ANOS1: variants seen among roughly 807,000 people sequenced by gnomAD.
ANOS1 encodes the protein anosmin 1, also known as anosmin-1.
In ANOS1, 6 loss-of-function variants were observed where a neutral mutation model predicts 59.0. The observed-to-expected ratio is 0.10, with a 90% confidence interval of 0.06 to 0.20. The LOEUF is 0.20. ANOS1 is among the 10% of genes least tolerant of loss of function. The probability of loss-of-function intolerance (pLI) is 1.00; values close to 1 mark genes in which losing one functional copy is unlikely to be tolerated. For missense variants in ANOS1, 433 were observed against 542.3 expected, an observed-to-expected ratio of 0.80 and a Z score of 2.00; for synonymous variants, 217 against 223.4, an observed-to-expected ratio of 0.97 and a Z score of 0.25.
rs771008889 is a variant in ANOS1 at position 8,551,570 on chromosome X, C to T, written c.1354+2382G>A. The stretch of plus-strand genomic sequence containing the variant: ...AGGAGAATCGCTTGAACCCAGGATG[C>T]GGACCAGCCTGGGCAACAAGAGTGA... On this transcript the variant is annotated intron_variant, in intron 9 of 13. Coordinates refer to ENST00000262648, the MANE Select transcript of ANOS1 (RefSeq NM_000216.4). 7.4e-5 allele frequency among the ~76,000 whole-genome samples: 8 copies of T among 107,827 alleles called. No homozygotes were observed. The South Asian group carries it at 2.1e-3, about 28-fold the overall frequency. The allele number at this position is 107,827 out of a possible 115,157, so 93.6% of individuals were successfully genotyped here.
At chrX:8,605,350 T>A (rs1284035243) in intron 3 of ANOS1, among the ~76,000 whole-genome samples, 3 of 110,530 alleles carry the variant, frequency 2.7e-5, no homozygotes, top group African/African-American at 9.9e-5. Flanking sequence ...TGAAATGAGA[T>A]GAAAAGGGTT....
chrX:8,642,882 T>C (rs1353967960), intron 2 of ANOS1, among the ~76,000 whole-genome samples: 9 of 111,999 alleles, frequency 8.0e-5, no homozygotes, highest in Non-Finnish European at 1.5e-4. Flanking sequence ...ATGAGCCATA[T>C]AGCAGCAATT....
chrX:8,545,630 A>G (rs1929761782), intron 9 of ANOS1, among the ~76,000 whole-genome samples: 1 of 112,117 alleles, frequency 8.9e-6, no homozygotes. Context: ...ATGTGTATTA[A>G]GTAAAGAAAG....
At chrX:8,620,763 C>T (rs1931276432) in intron 3 of ANOS1, among the ~76,000 whole-genome samples, 2 of 112,008 alleles carry the variant, frequency 1.8e-5, no homozygotes, top group Non-Finnish European at 3.8e-5. Flanking sequence ...CATCAAAGCT[C>T]CTCACATTAA....
At chrX:8,619,369 G>A (rs1394426568) in intron 3 of ANOS1, among the ~76,000 whole-genome samples, 1 of 111,633 alleles carries the variant, frequency 9.0e-6, no homozygotes, top group African/African-American at 3.3e-5. Context: ...ACTTTGGGAG[G>A]CCAAGGCGGG....
At chrX:8,622,176 G>A (rs1445079488) in intron 3 of ANOS1, among the ~76,000 whole-genome samples, 4 of 111,171 alleles carry the variant, frequency 3.6e-5, no homozygotes, top group Non-Finnish European at 7.5e-5. Context: ...TCAAAATCAA[G>A]GAGTTTTAGA....
rs1929552930 is a variant in ANOS1 at position 8,534,360 on chromosome X, T to C, written c.1943A>G (p.Lys648Arg). The change falls in exon 13 of 14, where the codon AAG (lysine) becomes AGG (arginine). Residue 648 changes from lysine (K) to arginine (R), a missense_variant. Lys to Arg is a conservative substitution (Grantham distance 26). Coordinates refer to ENST00000262648, the MANE Select transcript of ANOS1 (RefSeq NM_000216.4). Reference protein sequence around the residue: ...TPGGEGPATIKTFRTPELPPS... With the variant: ...TPGGEGPATIRTFRTPELPPS... Reference sequence around the variant, plus strand: ...TGGGAGCTCCGGCGTCCGGAACGTCTTGATGGTGGCCGGCCCCTCCCCTCC... The same window carrying C: ...TGGGAGCTCCGGCGTCCGGAACGTCCTGATGGTGGCCGGCCCCTCCCCTCC... 8.3e-7 allele frequency: 1 copy of C among 1,209,669 alleles called. No homozygotes were observed. Among genetic ancestry groups the C allele is most frequent in the African/African-American group, 1.8e-5 (1 of 57,071 alleles).
intron 4 of ANOS1, among the ~76,000 whole-genome samples, chrX:8,589,106 T>C (rs1930571523): frequency 8.9e-6 from 1 of 112,794 alleles, no homozygotes. Context: ...AACTCCTATT[T>C]CATTTTGATC....
intron 8 of ANOS1, 88 bp from the exon 9 acceptor site, chrX:8,554,186 T>G: frequency 1.4e-6 from 1 of 718,201 alleles, no homozygotes. Flanking sequence ...AGCTCCATTA[T>G]GCAGCTTCCA....
intron 1 of ANOS1, among the ~76,000 whole-genome samples, chrX:8,727,061 G>A (rs1021312899): frequency 1.8e-5 from 2 of 112,421 alleles, no homozygotes; most frequent in African/African-American, 6.5e-5. Context: ...CGTATGAACA[G>A]TGCAGTCCAC....
chrX:8,660,949 T>C (rs184955126), intron 2 of ANOS1, among the ~76,000 whole-genome samples: 5 of 111,705 alleles, frequency 4.5e-5, no homozygotes, highest in Admixed American at 9.5e-5. Flanking sequence ...TGAGAAATTA[T>C]GAGGATCTAG....
intron 2 of ANOS1, among the ~76,000 whole-genome samples, chrX:8,655,927 A>G (rs753296983): frequency 1.8e-5 from 2 of 112,518 alleles, no homozygotes; most frequent in African/African-American, 3.2e-5. Context: ...ATGGTATGTC[A>G]TTCAGTCCAA....
intron 2 of ANOS1, among the ~76,000 whole-genome samples, chrX:8,687,593 AACACACACACACACACACAC>A (rs58384646): frequency 1.0e-5 from 1 of 95,662 alleles, no homozygotes; most frequent in Non-Finnish European, 2.1e-5. Flanking sequence ...TAATCCAGTA[AACACACACACACACACACAC>A]ACACACACAC....
rs1316873276 is a variant in ANOS1, at chrX:8,725,627, TATATATATACAG to T, written c.207+6191_207+6202del. Reference sequence around the variant, plus strand: ...ATATACAGATATATATATATACAGATATATATATACAGATATATATACAGATATATATATATA... The same window carrying T: ...ATATACAGATATATATATATACAGATATATATATACAGATATATATATATA... On this transcript the variant is annotated intron_variant, in intron 1 of 13. Coordinates refer to ENST00000262648, the MANE Select transcript of ANOS1 (RefSeq NM_000216.4). Among the ~76,000 whole-genome samples the T allele has an allele frequency of 5.7e-5, 3 of 52,919 alleles. No individual in the cohort carries two copies. In the East Asian group the frequency reaches 2.2e-3, roughly 38 times the overall value. 46.0% of individuals were successfully genotyped at this position (52,919 alleles called of 115,157 possible). A position where few individuals can be genotyped will look rare whatever the true frequency, so the allele number is the denominator to read the frequency against.
intron 2 of ANOS1, among the ~76,000 whole-genome samples, chrX:8,665,365 G>C (rs1311150755): frequency 8.9e-6 from 1 of 112,441 alleles, no homozygotes; most frequent in Non-Finnish European, 1.9e-5. Context: ...ATCTGTCACA[G>C]AGTTGTACTT....
At chrX:8,552,735 A>C (rs1929876230) in intron 9 of ANOS1, among the ~76,000 whole-genome samples, 1 of 110,826 alleles carries the variant, frequency 9.0e-6, no homozygotes. Flanking sequence ...TTTTAATATT[A>C]ATAAAATGTT....
At position 8,649,239 on chromosome X, in the gene ANOS1, T is replaced by C. The variant is rs1366788220; in HGVS notation, c.256-25569A>G. ...CATCTCTGATGGTGAGAGGCAGGTATGGATGGAAGCATTGAGGGAAAACAA... is the reference window on the plus strand; with the variant it reads ...CATCTCTGATGGTGAGAGGCAGGTACGGATGGAAGCATTGAGGGAAAACAA... On this transcript the variant is annotated intron_variant, in intron 2 of 13. Coordinates refer to ENST00000262648, the MANE Select transcript of ANOS1 (RefSeq NM_000216.4). 3.6e-5 allele frequency among the ~76,000 whole-genome samples: 4 copies of C among 111,976 alleles called. No individual in the cohort carries two copies. The Admixed American group carries it at 3.8e-4, about 11-fold the overall frequency.
intron 2 of ANOS1, among the ~76,000 whole-genome samples, chrX:8,696,659 C>A (rs922486298): frequency 1.8e-5 from 2 of 112,659 alleles, no homozygotes; most frequent in Non-Finnish European, 3.7e-5. Flanking sequence ...AATGTGTAGA[C>A]CAGAGTTTGT....
chrX:8,534,749 A>AT (rs1358041941), intron 12 of ANOS1, among the ~76,000 whole-genome samples: 2 of 111,059 alleles, frequency 1.8e-5, no homozygotes, highest in Non-Finnish European at 3.8e-5. Flanking sequence ...GATTTTATTT[A>AT]TTTTTTTAAT....
Sources: allele counts gnomAD v4.1 joint callset (sites outside exome capture counted in the v4.1 genomes callset), GRCh38; gene constraint gnomAD v4.1.1; transcripts MANE v1.5; gene names NCBI Gene and HGNC (gene_info 2026-07-23, HGNC 2026-07-21).